NT5C2: variants seen among roughly 807,000 people sequenced by gnomAD.
NT5C2 encodes cytosolic purine 5'-nucleotidase.
In NT5C2, 58 loss-of-function variants were observed where a neutral mutation model predicts 76.1. The observed-to-expected ratio is 0.76, with a 90% CI of 0.62 to 0.95. The LOEUF is 0.95. Ranked by LOEUF, NT5C2 falls within the 40% of genes least tolerant of loss-of-function variation. The pLI is 0.00. For missense variants in NT5C2, 478 were observed against 690.3 expected, an observed-to-expected ratio of 0.69 and a Z score of 3.45; for synonymous variants, 229 against 237.4, an observed-to-expected ratio of 0.96 and a Z score of 0.32.
chr10:103,141,000 AG>A lies in NT5C2; in HGVS notation c.102-1522del, dbSNP rs575854757. On this transcript the variant is annotated intron_variant, in intron 3 of 18. Transcript: ENST00000404739. ...CCTTTTTGTTTCTCCTTTGCTGCGC[AG>A]AAGCTTTTTAGTTTGAGGTAGTCCC... 1.2e-3 allele frequency among the ~76,000 whole-genome samples: 186 copies of A among 152,318 alleles called. 1 individual carries two copies. The highest frequency in any genetic ancestry group is 4.0e-3 in the African/African-American group (166 of 41,572).
At chr10:103,178,648 T>C (rs987034476) in intron 2 of NT5C2, among the ~76,000 whole-genome samples, 1 of 151,758 alleles carries the variant, frequency 6.6e-6, no homozygotes. Context: ...TTGGCCATCA[T>C]GGTGAAACCC....
At chr10:103,184,612 G>T (rs752235942) in intron 1 of NT5C2, among the ~76,000 whole-genome samples, 2 of 152,110 alleles carry the variant, frequency 1.3e-5, no homozygotes, top group Non-Finnish European at 2.9e-5. Flanking sequence ...ACCATTAAAC[G>T]TCTACACATG....
intron 2 of NT5C2, 69 bp downstream of exon 2, chr10:103,181,116 G>C (rs2090988682): frequency 6.6e-6 from 1 of 152,008 alleles, no homozygotes; most frequent in African/African-American, 2.4e-5. Context: ...CTTCATTATG[G>C]TGATGGTTTC....
chr10:103,185,665 G>GAAAAAAAAAAAAAAAAAGA (rs75386040), intron 1 of NT5C2, among the ~76,000 whole-genome samples: 1 of 116,422 alleles, frequency 8.6e-6, no homozygotes. Context: ...AAAAAAAAAG[G>GAAAAAAAAAAAAAAAAAGA]AAAAAAAAAA....
intron 3 of NT5C2, among the ~76,000 whole-genome samples, chr10:103,161,307 A>G (rs936769202): frequency 6.6e-6 from 1 of 151,984 alleles, no homozygotes; most frequent in Non-Finnish European, 1.5e-5. Flanking sequence ...CCTCTTGAAT[A>G]GCTGGGACTA....
intron 3 of NT5C2, among the ~76,000 whole-genome samples, chr10:103,156,356 G>A (rs2083374967): frequency 6.6e-6 from 1 of 152,176 alleles, no homozygotes. Flanking sequence ...ACTAAAATTT[G>A]AGCATGGTGA....
At chr10:103,155,916 C>A (rs2083276783) in intron 3 of NT5C2, among the ~76,000 whole-genome samples, 1 of 151,974 alleles carries the variant, frequency 6.6e-6, no homozygotes, top group African/African-American at 2.4e-5. Context: ...GTAATCCCAG[C>A]GACTCAGGAA....
chr10:103,163,920 G>C (rs935400472), intron 3 of NT5C2, among the ~76,000 whole-genome samples: 3 of 150,452 alleles, frequency 2.0e-5, no homozygotes, highest in African/African-American at 7.3e-5. Context: ...AGCTACTCAG[G>C]AGCCTGAGGC....
intron 4 of NT5C2, among the ~76,000 whole-genome samples, chr10:103,110,736 G>C (rs993274605): frequency 6.6e-6 from 1 of 152,106 alleles, no homozygotes; most frequent in Non-Finnish European, 1.5e-5. Context: ...AGTTTTCCCA[G>C]ATAATCACAA....
chr10:103,189,383 G>A (rs970984185), intron 1 of NT5C2, among the ~76,000 whole-genome samples: 6 of 151,982 alleles, frequency 3.9e-5, no homozygotes, highest in African/African-American at 9.6e-5. Context: ...CAAGGCGGAC[G>A]GATCATGAGG....
At position 103,125,443 on chromosome 10, in the gene NT5C2, AG is replaced by A. The variant is rs907724175; in HGVS notation, c.175+13962del. On this transcript the variant is annotated intron_variant, in intron 4 of 18. Coordinates refer to ENST00000404739, the MANE Select transcript of NT5C2 (RefSeq NM_001351169.2). ...GTGGTGGCGTGGAAAGATGATGGAA[AG>A]AAAAAAAAATCACTTCTTACACTCA... 130 of 258,136 alleles carry A rather than the reference AG, an allele frequency of 5.0e-4. 1 individual carries two copies. Among genetic ancestry groups the A allele is most frequent in the African/African-American group, 2.8e-3 (120 of 43,392 alleles). The allele number at this position is 258,136 out of a possible 1,614,324, so 16.0% of individuals were successfully genotyped here. A position where few individuals can be genotyped will look rare whatever the true frequency, so the allele number is the denominator to read the frequency against.
chr10:103,093,633 T>C (rs1424768170), intron 14 of NT5C2: 6 of 363,774 alleles, frequency 1.6e-5, no homozygotes, highest in Non-Finnish European at 3.0e-5. Context: ...TGTTTATAAC[T>C]CCAACATACT....
At chr10:103,129,474 T>C (rs1591224275) in intron 4 of NT5C2, among the ~76,000 whole-genome samples, 1 of 77,952 alleles carries the variant, frequency 1.3e-5, no homozygotes, top group African/African-American at 5.0e-5. Flanking sequence ...GGGAGGGAGA[T>C]GGGGGGGTCA....
intron 4 of NT5C2, chr10:103,125,325 G>C (rs1591133581): frequency 6.1e-6 from 3 of 494,524 alleles, no homozygotes; most frequent in Non-Finnish European, 1.1e-5. Flanking sequence ...AATGACTTTG[G>C]AGCACAGCCT....
In NT5C2 at chr10:103,088,872, T is replaced by G. The variant is rs1344236318; in HGVS notation, c.*800A>C. The G allele has an allele frequency of 9.8e-6, 2 of 204,410 alleles. No individual in the cohort carries two copies. The highest frequency in any genetic ancestry group is 4.6e-5 in the African/African-American group (2 of 43,704). The allele number at this position is 204,410 out of a possible 1,614,324, so 12.7% of individuals were successfully genotyped here. A position where few individuals can be genotyped will look rare whatever the true frequency, so the allele number is the denominator to read the frequency against. On this transcript the variant is annotated 3_prime_UTR_variant, in exon 19 of 19. Coordinates refer to ENST00000404739, the MANE Select transcript of NT5C2 (RefSeq NM_001351169.2). ...GCCACAGCTATATAGCCCACACTAATGCATGTTCTGTAGTATAAGAAGGCA... is the reference window on the plus strand; with the variant it reads ...GCCACAGCTATATAGCCCACACTAAGGCATGTTCTGTAGTATAAGAAGGCA...
chr10:103,094,651 A>G (rs2067718348), intron 12 of NT5C2, 196 bp from the exon 13 acceptor site: 6 of 501,402 alleles, frequency 1.2e-5, no homozygotes, highest in East Asian at 3.5e-5. Context: ...TGGGAGGCCG[A>G]GGCGGGCAGA....
chr10:103,153,741 G>A, intron 3 of NT5C2: 1 of 985,086 alleles, frequency 1.0e-6, no homozygotes, highest in South Asian at 4.7e-5. Context: ...ATCATTTTTA[G>A]TTTACTCTGG....
At chr10:103,100,886 T>C in intron 8 of NT5C2, 159 bp downstream of exon 8, 1 of 700,782 alleles carries the variant, frequency 1.4e-6, no homozygotes, top group Non-Finnish European at 2.6e-6. Context: ...ATGGAGCTGC[T>C]GGTGCTGTCC....
chr10:103,184,964 A>G (rs190996413), intron 1 of NT5C2, among the ~76,000 whole-genome samples: 1 of 152,006 alleles, frequency 6.6e-6, no homozygotes, highest in East Asian at 1.9e-4. Flanking sequence ...AGAAACTACA[A>G]ATTTATTTCA....
Sources: allele counts gnomAD v4.1 joint callset (sites outside exome capture counted in the v4.1 genomes callset), GRCh38; gene constraint gnomAD v4.1.1; transcripts MANE v1.5; gene names NCBI Gene and HGNC (gene_info 2026-07-23, HGNC 2026-07-21).